Variants in ARL15 observed in about 807,000 individuals in gnomAD.
The protein encoded by ARL15 is ADP-ribosylation factor-like protein 15.
A neutral mutation model predicts 25.2 loss-of-function variants in ARL15; 19 were observed. The ratio of observed to expected loss-of-function variants is 0.75; its 90% CI spans 0.53 to 1.10. The LOEUF (loss-of-function observed/expected upper bound fraction) is 1.10. ARL15 is among the 50% of genes least tolerant of loss of function. The probability of loss-of-function intolerance (pLI) is 0.00; values close to 1 mark genes in which losing one functional copy is unlikely to be tolerated. For synonymous variants in ARL15, 94 were observed against 86.8 expected (o/e 1.08, Z -0.46); for missense variants, 220 against 246.0 (o/e 0.89, Z 0.71).
intron 2 of ARL15, among the ~76,000 whole-genome samples, chr5:54,162,024 C>CAGAG (rs5867916): frequency 3.4e-5 from 5 of 145,340 alleles, no homozygotes; most frequent in African/African-American, 8.0e-5. Flanking sequence ...CACACACACA[C>CAGAG]AGAGAGAGAT....
At chr5:53,917,554 A>G (rs1365549343) in intron 4 of ARL15, among the ~76,000 whole-genome samples, 2 of 152,220 alleles carry the variant, frequency 1.3e-5, no homozygotes, top group African/African-American at 4.8e-5. Flanking sequence ...CAGACAAATT[A>G]AGAAAACAAC....
intron 3 of ARL15, 64 bp downstream of exon 3, chr5:54,154,515 TA>T: frequency 9.9e-7 from 1 of 1,014,644 alleles, no homozygotes; most frequent in South Asian, 1.6e-5. Context: ...GAATTACATA[TA>T]ATACATTATT....
At chr5:54,110,829 A>G (rs138858914) in intron 4 of ARL15, among the ~76,000 whole-genome samples, 1 of 152,106 alleles carries the variant, frequency 6.6e-6, no homozygotes, top group Admixed American at 6.6e-5. Context: ...TGTTTACAAA[A>G]TGTTTAAGAT....
chr5:53,959,202 A>G (rs192606184), intron 4 of ARL15, among the ~76,000 whole-genome samples: 6 of 152,372 alleles, frequency 3.9e-5, no homozygotes, highest in Middle Eastern at 3.4e-3. Flanking sequence ...AAAAATTATT[A>G]CAATTTTAAG....
rs1744525314 is a variant in ARL15, at chr5:53,886,367, T to C, written c.*194A>G. 1.7e-6 allele frequency: 1 copy of C among 581,152 alleles called. No individual in the cohort carries two copies. Among genetic ancestry groups the C allele is most frequent in the Non-Finnish European group, 3.0e-6 (1 of 337,758 alleles). 36.0% of individuals were successfully genotyped at this position (581,152 alleles called of 1,614,324 possible). On this transcript the variant is annotated 3_prime_UTR_variant, in exon 5 of 5. Coordinates refer to ENST00000504924, the MANE Select transcript of ARL15 (RefSeq NM_019087.3). Reference sequence around the variant, plus strand: ...GAATAAATTCTCTCTCAGTAGTGTGTACTTGACGTTAATGCCGATGATAAT... The same window carrying C: ...GAATAAATTCTCTCTCAGTAGTGTGCACTTGACGTTAATGCCGATGATAAT...
chr5:54,215,209 T>C (rs1382804170), intron 1 of ARL15, among the ~76,000 whole-genome samples: 2 of 152,126 alleles, frequency 1.3e-5, no homozygotes, highest in African/African-American at 4.8e-5. Flanking sequence ...AAGACTTTTC[T>C]GTCTTAAAGT....
At chr5:54,222,357 A>G (rs1260475924) in intron 1 of ARL15, among the ~76,000 whole-genome samples, 2 of 152,184 alleles carry the variant, frequency 1.3e-5, no homozygotes, top group Non-Finnish European at 2.9e-5. Context: ...CTAAGATTCT[A>G]TTTAGTCAAT....
intron 4 of ARL15, among the ~76,000 whole-genome samples, chr5:54,072,550 T>C (rs2112078386): frequency 6.6e-6 from 1 of 152,250 alleles, no homozygotes; most frequent in Middle Eastern, 3.4e-3. Flanking sequence ...ATTTAAGAAA[T>C]GGTAATAGAC....
intron 4 of ARL15, chr5:53,911,892 G>C (rs1745475434): frequency 6.6e-6 from 1 of 152,136 alleles, no homozygotes; most frequent in African/African-American, 2.4e-5. Flanking sequence ...GGTGTCTTTA[G>C]CCATAGGATT....
intron 1 of ARL15, among the ~76,000 whole-genome samples, chr5:54,300,694 T>C (rs978732874): frequency 2.6e-5 from 4 of 152,244 alleles, no homozygotes; most frequent in African/African-American, 9.6e-5. Flanking sequence ...TTAAATGTTG[T>C]TAAATCCATC....
At chr5:54,081,209 T>A (rs1414820679) in intron 4 of ARL15, among the ~76,000 whole-genome samples, 1 of 152,158 alleles carries the variant, frequency 6.6e-6, no homozygotes, top group African/African-American at 2.4e-5. Context: ...ATATAAAGGA[T>A]TTTTGTGTCA....
At chr5:54,146,871 T>C (rs1295038355) in intron 3 of ARL15, among the ~76,000 whole-genome samples, 1 of 152,174 alleles carries the variant, frequency 6.6e-6, no homozygotes, top group Admixed American at 6.5e-5. Context: ...AGATAAATTT[T>C]TTAAAATTTC....
At chr5:54,267,045 C>G (rs1757642779) in intron 1 of ARL15, among the ~76,000 whole-genome samples, 1 of 152,188 alleles carries the variant, frequency 6.6e-6, no homozygotes, top group Non-Finnish European at 1.5e-5. Context: ...GGTCTCAACA[C>G]AGAGCTACAG....
intron 1 of ARL15, among the ~76,000 whole-genome samples, chr5:54,265,172 C>A (rs912383648): frequency 1.3e-5 from 2 of 152,240 alleles, no homozygotes; most frequent in African/African-American, 4.8e-5. Context: ...CCTAAAAAAA[C>A]CCAACTCTTT....
chr5:53,888,030 G>T (rs941008062), intron 4 of ARL15, among the ~76,000 whole-genome samples: 1 of 151,766 alleles, frequency 6.6e-6, no homozygotes, highest in Non-Finnish European at 1.5e-5. Context: ...TATAGTCCAA[G>T]TATGTCCAAA....
At chr5:53,949,891 C>T (rs1268954019) in intron 4 of ARL15, among the ~76,000 whole-genome samples, 9 of 152,106 alleles carry the variant, frequency 5.9e-5, no homozygotes, top group Admixed American at 5.9e-4. Context: ...AAAGCAAAAA[C>T]TTAGGACTAA....
intron 3 of ARL15, among the ~76,000 whole-genome samples, chr5:54,115,174 G>A (rs1752861453): frequency 6.6e-6 from 1 of 152,136 alleles, no homozygotes; most frequent in African/African-American, 2.4e-5. Context: ...TGATGACACT[G>A]AGCAGCTTAT....
chr5:54,139,057 C>T lies in ARL15; in HGVS notation c.253+15523G>A, dbSNP rs547217735. On this transcript the variant is annotated intron_variant, in intron 3 of 4. Transcript: ENST00000504924. ...TGGTGAAAAAGGAATGCTTATACACCGCTGGTGGGAATGTAAATTAGTACA... is the reference window on the plus strand; with the variant it reads ...TGGTGAAAAAGGAATGCTTATACACTGCTGGTGGGAATGTAAATTAGTACA... 4.8e-5 allele frequency among the ~76,000 whole-genome samples: 7 copies of T among 146,234 alleles called. No homozygotes were observed. The South Asian group carries it at 6.5e-4, about 14-fold the overall frequency.
chr5:53,905,038 G>A (rs537327907), intron 4 of ARL15, among the ~76,000 whole-genome samples: 81 of 152,228 alleles, frequency 5.3e-4, no homozygotes, highest in African/African-American at 1.9e-3. Context: ...CTTTTAGCCA[G>A]TTCTTGATTA....
Sources: gnomAD v4.1 joint callset for allele counts (sites outside exome capture counted in the v4.1 genomes callset) on GRCh38, gnomAD v4.1.1 for gene constraint, MANE v1.5 for transcripts, NCBI Gene and HGNC (gene_info 2026-07-23, HGNC 2026-07-21) for gene names.